The following MAGI2 variants were observed in gnomAD, a reference collection of about 807,000 sequenced individuals.
The protein encoded by MAGI2 is membrane-associated guanylate kinase, WW and PDZ domain-containing protein 2.
MAGI2 carries 35 observed loss-of-function variants against 133.3 expected under a neutral mutation model. The observed-to-expected ratio is 0.26, with a 90% CI of 0.20 to 0.35. MAGI2 has a LOEUF of 0.35. Ranked by LOEUF, MAGI2 falls within the 10% of genes least tolerant of loss-of-function variation. The pLI, the probability that MAGI2 is intolerant of heterozygous loss-of-function variation, is 1.00. For synonymous variants in MAGI2, 729 were observed against 710.6 expected (o/e 1.03, Z -0.41); for missense variants, 1,636 against 1,863.4 (o/e 0.88, Z 2.25).
intron 16 of MAGI2, among the ~76,000 whole-genome samples, chr7:78,145,520 T>C (rs1176940264): frequency 6.6e-6 from 1 of 152,204 alleles, no homozygotes; most frequent in Non-Finnish European, 1.5e-5. Context: ...ATTGGTCTGC[T>C]GCTTCTCCTA....
At chr7:78,855,848 T>G (rs980669121) in intron 2 of MAGI2, among the ~76,000 whole-genome samples, 1 of 152,240 alleles carries the variant, frequency 6.6e-6, no homozygotes, top group African/African-American at 2.4e-5. Flanking sequence ...CCACAATGGT[T>G]GAACTAGTTT....
chr7:79,265,811 A>T (rs1241703917), intron 1 of MAGI2, among the ~76,000 whole-genome samples: 1 of 152,138 alleles, frequency 6.6e-6, no homozygotes, highest in African/African-American at 2.4e-5. Context: ...AATTTAATTC[A>T]TCTAAGCTTC....
At chr7:78,336,979 C>T (rs1289783985) in intron 9 of MAGI2, among the ~76,000 whole-genome samples, 1 of 152,116 alleles carries the variant, frequency 6.6e-6, no homozygotes, top group East Asian at 1.9e-4. Context: ...GGTTAGCTCT[C>T]TTCTCTCTCG....
At chr7:78,445,230 C>T (rs895853395) in intron 6 of MAGI2, among the ~76,000 whole-genome samples, 7 of 152,022 alleles carry the variant, frequency 4.6e-5, no homozygotes, top group Non-Finnish European at 8.8e-5. Flanking sequence ...ATGCAACTAT[C>T]TGCCCTCCTC....
At chr7:79,150,415 C>T (rs922655009) in intron 1 of MAGI2, among the ~76,000 whole-genome samples, 1 of 152,138 alleles carries the variant, frequency 6.6e-6, no homozygotes, top group Non-Finnish European at 1.5e-5. Flanking sequence ...AGACGTATTG[C>T]AGATTTTCTT....
chr7:79,122,627 A>G (rs927858574), intron 1 of MAGI2, among the ~76,000 whole-genome samples: 2 of 152,142 alleles, frequency 1.3e-5, no homozygotes, highest in African/African-American at 4.8e-5. Context: ...AAACAAAATT[A>G]TTAAAGATTT....
At chr7:79,400,132 A>C (rs1397709678) in intron 1 of MAGI2, among the ~76,000 whole-genome samples, 2 of 152,132 alleles carry the variant, frequency 1.3e-5, no homozygotes, top group Non-Finnish European at 2.9e-5. Context: ...CTCTTCAATA[A>C]ACAGACATGC....
In MAGI2 at chr7:78,934,624, C is replaced by T. The variant is rs187470326; in HGVS notation, c.418+72466G>A. Among the ~76,000 whole-genome samples the T allele has an allele frequency of 3.2e-3, 479 of 152,048 alleles. 7 individuals carry two copies. Among genetic ancestry groups the T allele is most frequent in the African/African-American group, 0.011 (447 of 41,474 alleles). ...TCATGCAGAAAATTATTAAAAATAT[C>T]GTATAAAATTACCTTCAGGATGTAT... On this transcript the variant is annotated intron_variant, in intron 2 of 21. Coordinates refer to ENST00000354212, the MANE Select transcript of MAGI2 (RefSeq NM_012301.4).
chr7:78,590,193 A>G (rs1291447672), intron 3 of MAGI2, among the ~76,000 whole-genome samples: 1 of 152,214 alleles, frequency 6.6e-6, no homozygotes, highest in African/African-American at 2.4e-5. Flanking sequence ...TGATGTATTT[A>G]GCATAGCAAT....
chr7:78,138,150 C>A (rs1198506707), intron 16 of MAGI2, among the ~76,000 whole-genome samples: 1 of 152,202 alleles, frequency 6.6e-6, no homozygotes, highest in Non-Finnish European at 1.5e-5. Flanking sequence ...CATCTCTTGA[C>A]TTTTCTGGCT....
intron 1 of MAGI2, among the ~76,000 whole-genome samples, chr7:79,283,895 T>C (rs576862014): frequency 6.6e-6 from 1 of 152,132 alleles, no homozygotes; most frequent in Admixed American, 6.6e-5. Context: ...CATAAGGTTA[T>C]AATACCATAT....
intron 1 of MAGI2, among the ~76,000 whole-genome samples, chr7:79,447,120 T>A (rs1990099): frequency 0.36 from 54,653 of 152,004 alleles, 10,394 homozygotes; most frequent in African/African-American, 0.49. Flanking sequence ...TTTTTAAAAA[T>A]ATCTCAATAT....
intron 2 of MAGI2, among the ~76,000 whole-genome samples, chr7:78,787,296 G>T (rs997034413): frequency 6.6e-6 from 1 of 152,288 alleles, no homozygotes; most frequent in Non-Finnish European, 1.5e-5. Context: ...ACTGTGTCTT[G>T]GGGAGAAGGT....
chr7:79,206,638 A>C (rs1054295791), intron 1 of MAGI2, among the ~76,000 whole-genome samples: 5 of 151,992 alleles, frequency 3.3e-5, no homozygotes, highest in Non-Finnish European at 7.4e-5. Flanking sequence ...TCTAATAAAC[A>C]TTTAAAGAAT....
intron 6 of MAGI2, among the ~76,000 whole-genome samples, chr7:78,399,759 T>C (rs796996757): frequency 5.7e-5 from 8 of 139,742 alleles, no homozygotes; most frequent in African/African-American, 2.2e-4. Context: ...GAGCTGAGAT[T>C]GCACCACTGC....
At chr7:79,103,970 G>C (rs1007019964) in intron 1 of MAGI2, among the ~76,000 whole-genome samples, 10 of 152,094 alleles carry the variant, frequency 6.6e-5, no homozygotes, top group Admixed American at 5.2e-4. Context: ...TAAGGTGCTG[G>C]GATTACAGGC....
At chr7:78,208,135 C>CTTTT (rs71085515) in intron 10 of MAGI2, among the ~76,000 whole-genome samples, 5,113 of 115,218 alleles carry the variant, frequency 0.044, 328 homozygotes, top group East Asian at 0.26. Context: ...CCCAAAGTGG[C>CTTTT]TTTTTTTTTT....
At chr7:78,316,449 T>C (rs887137914) in intron 9 of MAGI2, among the ~76,000 whole-genome samples, 1 of 152,214 alleles carries the variant, frequency 6.6e-6, no homozygotes, top group African/African-American at 2.4e-5. Flanking sequence ...GTGGTGTTAA[T>C]GACATTTTCA....
At chr7:78,284,742 A>T (rs947270236) in intron 9 of MAGI2, among the ~76,000 whole-genome samples, 5 of 152,084 alleles carry the variant, frequency 3.3e-5, no homozygotes, top group Non-Finnish European at 7.4e-5. Context: ...GCTGCCTGTC[A>T]TCAAAATGGG....
Sources: gnomAD v4.1 joint callset for allele counts (sites outside exome capture counted in the v4.1 genomes callset) on GRCh38, gnomAD v4.1.1 for gene constraint, MANE v1.5 for transcripts, NCBI Gene and HGNC (gene_info 2026-07-23, HGNC 2026-07-21) for gene names.